Variants in CBFA2T3 observed in about 807,000 individuals in gnomAD.
CBFA2T3 encodes CBFA2/RUNX1 partner transcriptional co-repressor 3.
Under a neutral mutation model 58.6 loss-of-function variants are expected in CBFA2T3, and 31 were observed. That is an observed-to-expected ratio of 0.53 (90% confidence interval 0.40 to 0.71). The LOEUF is 0.71. CBFA2T3 is among the 30% of genes least tolerant of loss of function. The pLI is 0.00. For missense variants in CBFA2T3, 1,076 were observed against 963.1 expected (o/e 1.12, Z -1.55); for synonymous variants, 531 against 421.9 (o/e 1.26, Z -3.17).
At chr16:88,915,940 G>T (rs543005926) in intron 1 of CBFA2T3, among the ~76,000 whole-genome samples, 1 of 151,146 alleles carries the variant, frequency 6.6e-6, no homozygotes, top group East Asian at 1.9e-4. Context: ...GCGTGTGAGT[G>T]TGCATGCATG....
intron 1 of CBFA2T3, among the ~76,000 whole-genome samples, chr16:88,975,181 T>TGTCAGAGGTCCACCCTGGCC (rs1567643999): frequency 0.011 from 518 of 47,666 alleles, 5 homozygotes; most frequent in South Asian, 0.035. Flanking sequence ...CTGCTCCACA[T>TGTCAGAGGTCCACCCTGGCC]CTTTAGCCAT....
At chr16:88,912,442 CTGG>C (rs1159317975) in intron 1 of CBFA2T3, among the ~76,000 whole-genome samples, 3 of 152,088 alleles carry the variant, frequency 2.0e-5, no homozygotes, top group Non-Finnish European at 4.4e-5. Context: ...TTGGCTCCTA[CTGG>C]AATACTTCCC....
intron 1 of CBFA2T3, among the ~76,000 whole-genome samples, chr16:88,905,104 G>C (rs1382484052): frequency 1.3e-5 from 2 of 152,158 alleles, no homozygotes; most frequent in African/African-American, 4.8e-5. Flanking sequence ...GAGTTGGCCA[G>C]GACCTGTGGA....
intron 2 of CBFA2T3, among the ~76,000 whole-genome samples, chr16:88,898,814 G>A (rs1793754751): frequency 1.3e-5 from 2 of 152,178 alleles, no homozygotes; most frequent in Admixed American, 6.5e-5. Context: ...CTTGAGCCCA[G>A]GAGTTCAAGA....
intron 1 of CBFA2T3, among the ~76,000 whole-genome samples, chr16:88,949,170 G>C (rs1971981033): frequency 6.6e-6 from 1 of 152,238 alleles, no homozygotes; most frequent in South Asian, 2.1e-4. Flanking sequence ...AGGCAGCCGA[G>C]AAACTCTGAA....
intron 1 of CBFA2T3, among the ~76,000 whole-genome samples, chr16:88,925,600 TCCAGGCCTGCCTGAGGC>T (rs1971061167): frequency 6.6e-6 from 1 of 152,128 alleles, no homozygotes; most frequent in Non-Finnish European, 1.5e-5. Flanking sequence ...TCAGAGAGGC[TCCAGGCCTGCCTGAGGC>T]CACCTGGATG....
intron 2 of CBFA2T3, among the ~76,000 whole-genome samples, chr16:88,898,511 GCACTGTTCCGGAGTTTAC>G (rs1473512353): frequency 6.6e-6 from 1 of 152,240 alleles, no homozygotes; most frequent in Non-Finnish European, 1.5e-5. Flanking sequence ...CGTTCTGGCA[GCACTGTTCCGGAGTTTAC>G]AAGAACCGCG....
At chr16:88,925,720 G>A (rs116326488) in intron 1 of CBFA2T3, among the ~76,000 whole-genome samples, 1,891 of 152,250 alleles carry the variant, frequency 0.012, 38 homozygotes, top group African/African-American at 0.044. Context: ...CTGTCTGCCC[G>A]ACTGCCCGCC....
intron 1 of CBFA2T3, among the ~76,000 whole-genome samples, chr16:88,942,078 T>C (rs982648076): frequency 8.5e-5 from 13 of 152,142 alleles, no homozygotes; most frequent in Admixed American, 8.5e-4. Flanking sequence ...GTCATTTGCA[T>C]ACACTTTGCA....
At chr16:88,905,606 G>C (rs1970280885) in intron 1 of CBFA2T3, among the ~76,000 whole-genome samples, 2 of 150,890 alleles carry the variant, frequency 1.3e-5, no homozygotes, top group African/African-American at 4.9e-5. Flanking sequence ...TTAGGGGCTG[G>C]AGGAGAGCAA....
At chr16:88,912,408 G>C (rs1279603367) in intron 1 of CBFA2T3, among the ~76,000 whole-genome samples, 1 of 152,218 alleles carries the variant, frequency 6.6e-6, no homozygotes, top group Non-Finnish European at 1.5e-5. Flanking sequence ...CTGTGCTTCT[G>C]TCCCTCCCGT....
rs1286725109 is a variant in CBFA2T3 at position 88,924,849 on chromosome 16, C to T, written c.152-23193G>A. 3.9e-5 allele frequency among the ~76,000 whole-genome samples: 6 copies of T among 152,332 alleles called. No homozygotes were observed. In the East Asian group the frequency reaches 5.8e-4, roughly 15 times the overall value. ...TGAAGGCGAGTCCTGCCCACAGCTT[C>T]GGGCTGATGGAGGCCGCTGCCACCG... is the stretch of plus-strand genomic sequence containing the variant. On this transcript the variant is annotated intron_variant, in intron 1 of 11. Coordinates refer to ENST00000268679, the MANE Select transcript of CBFA2T3 (RefSeq NM_005187.6).
In CBFA2T3 at chr16:88,954,673, C is replaced by T. The variant is rs1416080431; in HGVS notation, c.151+21984G>A. 6.5e-5 allele frequency among the ~76,000 whole-genome samples: 3 copies of T among 45,872 alleles called. 1 individual carries two copies. Among genetic ancestry groups the T allele is most frequent in the Non-Finnish European group, 1.4e-4 (3 of 21,010 alleles). 30.1% of individuals were successfully genotyped at this position (45,872 alleles called of 152,430 possible). On this transcript the variant is annotated intron_variant, in intron 1 of 11. Coordinates refer to ENST00000268679, the MANE Select transcript of CBFA2T3 (RefSeq NM_005187.6). ...CCAAGGCTCCTGACCCTACCCAAGG[C>T]TCCTGACCCCGCCCAAGGCTCCTGA...
At chr16:88,954,414 C>CCCCAGCCAAGGCTCCTGAT (rs1972160517) in intron 1 of CBFA2T3, among the ~76,000 whole-genome samples, 3 of 108,106 alleles carry the variant, frequency 2.8e-5, no homozygotes, top group Admixed American at 8.5e-5. Flanking sequence ...AGACTCCTGA[C>CCCCAGCCAAGGCTCCTGAT]CCCACCCAAG....
rs60291867 is a variant in CBFA2T3, at chr16:88,880,948, A to G, written c.1403-160T>C. ...CGGACAAGGTCTGGCTCAGGCACCCAGGGCAGTGCCCGGGCACGGGGGGCA... is the reference window on the plus strand; with the variant it reads ...CGGACAAGGTCTGGCTCAGGCACCCGGGGCAGTGCCCGGGCACGGGGGGCA... On this transcript the variant is annotated intron_variant, in intron 9 of 11. Transcript: ENST00000268679. The G allele has an allele frequency of 4.5e-4, 322 of 714,064 alleles. 1 individual carries two copies. The African/African-American group carries it at 5.1e-3, about 11-fold the overall frequency. The allele number at this position is 714,064 out of a possible 1,614,324, so 44.2% of individuals were successfully genotyped here.
chr16:88,900,859 G>A (rs539734917), intron 2 of CBFA2T3, among the ~76,000 whole-genome samples: 47 of 152,354 alleles, frequency 3.1e-4, no homozygotes, highest in Non-Finnish European at 6.3e-4. Context: ...CACCATCGGC[G>A]GCTCTGTGCG....
At chr16:88,879,509 G>C in intron 10 of CBFA2T3, 49 bp from the exon 11 acceptor site, 2 of 1,563,198 alleles carry the variant, frequency 1.3e-6, no homozygotes, top group Non-Finnish European at 1.8e-6. Context: ...CATCCCAGAT[G>C]GGTCTCTGGA....
At chr16:88,902,865 G>A (rs967556867) in intron 1 of CBFA2T3, among the ~76,000 whole-genome samples, 4 of 152,084 alleles carry the variant, frequency 2.6e-5, no homozygotes, top group African/African-American at 4.8e-5. Context: ...TCTCACCCAC[G>A]ACTGCCCCGC....
chr16:88,947,359 G>C, intron 1 of CBFA2T3, among the ~76,000 whole-genome samples: 1 of 152,170 alleles, frequency 6.6e-6, no homozygotes. Context: ...CTTCTGCAGC[G>C]CCTGAATCTC....
Sources: gnomAD v4.1 joint callset for allele counts (sites outside exome capture counted in the v4.1 genomes callset) on GRCh38, gnomAD v4.1.1 for gene constraint, MANE v1.5 for transcripts, NCBI Gene and HGNC (gene_info 2026-07-23, HGNC 2026-07-21) for gene names.